The following ACSS1 variants were observed in gnomAD, a reference collection of about 807,000 sequenced individuals.
ACSS1 encodes the protein acyl-CoA synthetase short chain family member 1.
Under a neutral mutation model 75.3 loss-of-function variants are expected in ACSS1, and 42 were observed. The ratio of observed to expected loss-of-function variants is 0.56; its 90% CI spans 0.44 to 0.72. The LOEUF (loss-of-function observed/expected upper bound fraction) is 0.72, where lower values mean the gene tolerates loss of function less well. Ranked by LOEUF, ACSS1 falls within the 30% of genes least tolerant of loss-of-function variation. The pLI is 0.00. For missense variants in ACSS1, 782 were observed against 935.7 expected (o/e 0.84, Z 2.14); for synonymous variants, 380 against 376.8 (o/e 1.01, Z -0.10).
Position 25,048,146 on chromosome 20 carries a change from C to A in ACSS1, c.370G>T (p.Glu124Ter), listed in dbSNP as rs376591574. The A allele has an allele frequency of 1.2e-6, 2 of 1,613,618 alleles. No homozygotes were observed. Among genetic ancestry groups the A allele is most frequent in the Admixed American group, 3.3e-5 (2 of 60,004 alleles). The change falls in exon 2 of 14, where the codon GAG (glutamate) becomes TAG (stop). Residue 124 changes from glutamate to a stop codon, truncating the protein, a stop_gained. Transcript: ENST00000323482. LOFTEE classifies it high-confidence loss of function. ...CGCTCCCAGATCAAAGCAACGCTCT[C>A]GGGGGACTTCCGAACATGCTGGTCC... Reference protein sequence around the residue: ...CLDQHVRKSPESVALIWERDE... With the variant: ...CLDQHVRKSP
chr20:25,017,575 G>A (rs1027604976), intron 7 of ACSS1, among the ~76,000 whole-genome samples: 3 of 152,208 alleles, frequency 2.0e-5, no homozygotes, highest in Non-Finnish European at 2.9e-5. Context: ...GGCTAGAACC[G>A]GTTATGCAAC....
intron 1 of ACSS1, among the ~76,000 whole-genome samples, chr20:25,052,766 G>A (rs866434541): frequency 5.3e-5 from 8 of 152,250 alleles, no homozygotes; most frequent in African/African-American, 1.2e-4. Flanking sequence ...GCTGAGGGCC[G>A]GCCAGCCAGG....
At chr20:25,012,340 G>A in intron 12 of ACSS1, 1 of 537,558 alleles carries the variant, frequency 1.9e-6, no homozygotes, top group Non-Finnish European at 3.3e-6. Flanking sequence ...CCCAAGCTTA[G>A]CCAAGCCCAA....
chr20:25,052,400 C>T (rs2089187265), intron 1 of ACSS1, among the ~76,000 whole-genome samples: 1 of 152,232 alleles, frequency 6.6e-6, no homozygotes, highest in Non-Finnish European at 1.5e-5. Context: ...TGATGGATGA[C>T]CTGTCCTTCG....
In ACSS1 at chr20:25,046,988, G is replaced by A. The variant is rs541815950; in HGVS notation, c.431+1097C>T. The A allele has an allele frequency of 1.7e-4, 128 of 768,958 alleles. 1 individual carries two copies. In the East Asian group the frequency reaches 3.0e-3, roughly 18 times the overall value. 47.6% of individuals were successfully genotyped at this position (768,958 alleles called of 1,614,324 possible). ...GCTGTGATGGGCCTGAGGGCTCCTG[G>A]GGGCCGAGGGGAGGAACGAGCAGGA... On this transcript the variant is annotated intron_variant, in intron 2 of 13. Transcript: ENST00000323482.
chr20:25,057,702 G>T, intron 1 of ACSS1, 67 bp downstream of exon 1: 2 of 1,439,308 alleles, frequency 1.4e-6, no homozygotes, highest in Non-Finnish European at 9.3e-7. Flanking sequence ...TGCCGCTGGC[G>T]AGAGGCTCCG....
intron 1 of ACSS1, among the ~76,000 whole-genome samples, chr20:25,052,753 G>A (rs143479363): frequency 3.9e-5 from 6 of 152,366 alleles, no homozygotes; most frequent in Non-Finnish European, 8.8e-5. Flanking sequence ...CAAGCCATGC[G>A]GAGCTGAGGG....
At chr20:25,016,787 T>C (rs948582742) in intron 7 of ACSS1, among the ~76,000 whole-genome samples, 10 of 152,222 alleles carry the variant, frequency 6.6e-5, no homozygotes, top group African/African-American at 2.4e-4. Context: ...GCAAAGCAGG[T>C]CCGTGTGGAA....
chr20:25,043,481 G>GGCCTCA (rs1166065053), intron 2 of ACSS1, among the ~76,000 whole-genome samples: 2 of 152,216 alleles, frequency 1.3e-5, no homozygotes, highest in African/African-American at 4.8e-5. Flanking sequence ...TCAGGTGCCA[G>GGCCTCA]GCCTCACAGA....
At chr20:25,023,208 T>C (rs537061301) in intron 4 of ACSS1, 116 bp from the exon 5 acceptor site, 2 of 1,343,826 alleles carry the variant, frequency 1.5e-6, no homozygotes, top group Admixed American at 2.6e-5. Flanking sequence ...TGCTCTGACC[T>C]GTCCAAGTTC....
chr20:25,008,017 A>C, intron 13 of ACSS1, 76 bp from the exon 14 acceptor site: 2 of 1,523,786 alleles, frequency 1.3e-6, no homozygotes, highest in Non-Finnish European at 1.8e-6. Flanking sequence ...CATTAAGATC[A>C]GAAGGGCTCT....
intron 13 of ACSS1, 107 bp from the exon 14 acceptor site, chr20:25,008,048 CG>C: frequency 4.4e-6 from 6 of 1,356,484 alleles, no homozygotes; most frequent in East Asian, 2.5e-5. Context: ...GATGCCCTCC[CG>C]GGGATCCACA....
At position 25,023,057 on chromosome 20, in the gene ACSS1, C is replaced by T. The variant is rs200836788; in HGVS notation, c.843G>A (p.Glu281=). Residue 281 remains glutamate (E), a synonymous_variant, in exon 5 of 14, where the codon GAG becomes GAA. Coordinates refer to ENST00000323482, the MANE Select transcript of ACSS1 (RefSeq NM_032501.4). ...MAKEDPVCAP[E]SMGSEDMLFM... is the part of the protein sequence containing the mutation. Reference sequence around the variant, plus strand: ...AGAGCATGTCCTCACTGCCCATGCTCTCTGGGGCGCAAACAGGGTCCTCCT... The same window carrying T: ...AGAGCATGTCCTCACTGCCCATGCTTTCTGGGGCGCAAACAGGGTCCTCCT... The T allele has an allele frequency of 2.2e-5, 36 of 1,613,792 alleles. No individual in the cohort carries two copies. In the Admixed American group the frequency reaches 5.8e-4, roughly 26 times the overall value.
chr20:25,007,905 C>T lies in ACSS1; in HGVS notation c.1927G>A (p.Val643Ile). ...ATCTTCCTCAGGAGCCGCCGCATGACCTTCCCAGACCTGGTTTTTGGAAGA... is the reference window on the plus strand; with the variant it reads ...ATCTTCCTCAGGAGCCGCCGCATGATCTTCCCAGACCTGGTTTTTGGAAGA... ...KRLPKTRSGK[V>I]MRRLLRKIIT... Residue 643 changes from valine (V) to isoleucine (I), a missense_variant, in exon 14 of 14, where the codon GTC becomes ATC. Around this residue, in one of 2 missense-constraint regions of ACSS1, gnomAD observed 405 missense variants for 552.6 expected, o/e 0.73. Coordinates refer to ENST00000323482, the MANE Select transcript of ACSS1 (RefSeq NM_032501.4). The T allele has an allele frequency of 2.5e-6, 4 of 1,614,196 alleles. No individual in the cohort carries two copies. The highest frequency in any genetic ancestry group is 1.7e-4 in the Middle Eastern group (1 of 6,058).
intron 2 of ACSS1, among the ~76,000 whole-genome samples, chr20:25,040,811 C>T (rs557981502): frequency 6.6e-6 from 1 of 152,298 alleles, no homozygotes; most frequent in Non-Finnish European, 1.5e-5. Flanking sequence ...TGCAGCCACA[C>T]CCCAGAAGCT....
At position 25,057,835 on chromosome 20, in the gene ACSS1, C is replaced by G; in HGVS notation, c.268G>C (p.Val90Leu). 2 of 1,610,572 alleles carry G rather than the reference C, an allele frequency of 1.2e-6. No individual in the cohort carries two copies. The highest frequency in any genetic ancestry group is 1.7e-6 in the Non-Finnish European group (2 of 1,178,096). The change falls in exon 1 of 14, where the codon GTC becomes CTC. Residue 90 changes from valine (V) to leucine (L), a missense_variant. This residue lies in a region of ACSS1 where 377 missense variants were observed against 383.1 expected (regional missense o/e 0.98). Coordinates refer to ENST00000323482, the MANE Select transcript of ACSS1 (RefSeq NM_032501.4). ...CCAGTGCTGAAGTCGCAGTCCCAGACGGTGTGGTAGGGGGTGTCCCACACG... is the reference window on the plus strand; with the variant it reads ...CCAGTGCTGAAGTCGCAGTCCCAGAGGGTGTGGTAGGGGGTGTCCCACACG... Reference protein sequence around the residue: ...TLVWDTPYHTVWDCDFSTGKI... With the variant: ...TLVWDTPYHTLWDCDFSTGKI...
intron 2 of ACSS1, chr20:25,046,465 C>A: frequency 3.1e-6 from 1 of 323,292 alleles, no homozygotes; most frequent in Non-Finnish European, 5.9e-6. Context: ...GCCGAGGGGG[C>A]GTGGCACACA....
chr20:25,011,353 G>C (rs2088405313), intron 12 of ACSS1: 1 of 152,414 alleles, frequency 6.6e-6, no homozygotes, highest in Admixed American at 6.5e-5. Context: ...AGTGGACCAT[G>C]CCCGGACCCC....
At chr20:25,035,438 C>T (rs1426635454) in intron 2 of ACSS1, among the ~76,000 whole-genome samples, 2 of 151,640 alleles carry the variant, frequency 1.3e-5, no homozygotes, top group Non-Finnish European at 2.9e-5. Flanking sequence ...TAGAGTCTCA[C>T]TCTGTCACCC....
Sources: allele counts gnomAD v4.1 joint callset (sites outside exome capture counted in the v4.1 genomes callset), GRCh38; gene constraint gnomAD v4.1.1; regional missense constraint gnomAD v4.1.1; transcripts MANE v1.5; gene names NCBI Gene and HGNC (gene_info 2026-07-23, HGNC 2026-07-21).